Variants in SCNN1G observed in about 807,000 individuals in gnomAD.
SCNN1G encodes sodium channel epithelial 1 subunit gamma.
A neutral mutation model predicts 64.6 loss-of-function variants in SCNN1G; 27 were observed. The ratio of observed to expected loss-of-function variants is 0.42; its 90% confidence interval spans 0.31 to 0.58. The LOEUF (loss-of-function observed/expected upper bound fraction) is 0.58. Ranked by LOEUF, SCNN1G falls within the 20% of genes least tolerant of loss-of-function variation. The probability of loss-of-function intolerance (pLI) is 0.18; values close to 1 mark genes in which losing one functional copy is unlikely to be tolerated. For missense variants in SCNN1G, 743 were observed against 823.4 expected, an observed-to-expected ratio of 0.90 and a Z score of 1.19; for synonymous variants, 330 against 314.2, an observed-to-expected ratio of 1.05 and a Z score of -0.53.
In SCNN1G at chr16:23,186,379, C is replaced by G. The variant is rs759238823; in HGVS notation, c.108C>G (p.Thr36=). Residue 36 remains threonine, a synonymous_variant, in exon 2 of 13, where the codon ACC becomes ACG. Transcript: ENST00000300061. ...TGATGCGGTGGTACTGCCTCAACAC[C>G]AACACCCATGGCTGTCGCCGCATCG... is the stretch of plus-strand genomic sequence containing the variant. ...KELMRWYCLN[T]NTHGCRRIVV... 2 of 1,614,244 alleles carry G rather than the reference C, an allele frequency of 1.2e-6. No individual in the cohort carries two copies. Among genetic ancestry groups the G allele is most frequent in the Admixed American group, 1.7e-5 (1 of 60,030 alleles).
At chr16:23,192,276 C>A in intron 3 of SCNN1G, 76 bp from the exon 4 acceptor site, 2 of 1,185,818 alleles carry the variant, frequency 1.7e-6, no homozygotes, top group South Asian at 1.2e-5. Flanking sequence ...GAGTCTCAGT[C>A]ACTCATTCTT....
intron 6 of SCNN1G, among the ~76,000 whole-genome samples, chr16:23,202,862 C>A (rs1268793826): frequency 2.0e-5 from 3 of 152,096 alleles, no homozygotes; most frequent in Non-Finnish European, 2.9e-5. Flanking sequence ...GAGAAGATGA[C>A]CACTTCGATT....
chr16:23,193,967 C>T (rs1044485245), intron 4 of SCNN1G, among the ~76,000 whole-genome samples: 2 of 151,688 alleles, frequency 1.3e-5, no homozygotes, highest in Non-Finnish European at 2.9e-5. Context: ...AAACAGAAGG[C>T]AGAGAGTCTA....
intron 6 of SCNN1G, among the ~76,000 whole-genome samples, chr16:23,204,273 C>A: frequency 1.1e-5 from 1 of 92,314 alleles, no homozygotes; most frequent in African/African-American, 4.2e-5. Flanking sequence ...AGTGATACTC[C>A]ATCACAAATA....
chr16:23,212,981 T>A, intron 10 of SCNN1G, 87 bp downstream of exon 10: 1 of 1,531,678 alleles, frequency 6.5e-7, no homozygotes, highest in South Asian at 1.1e-5. Flanking sequence ...GCCTGGGACA[T>A]GGTCCAGGGG....
At chr16:23,214,026 T>C (rs1290370761) in intron 11 of SCNN1G, among the ~76,000 whole-genome samples, 2 of 152,214 alleles carry the variant, frequency 1.3e-5, no homozygotes, top group African/African-American at 4.8e-5. Flanking sequence ...ACTTGCTCTT[T>C]TGGCTGAGTC....
At position 23,197,278 on chromosome 16, in the gene SCNN1G, T is replaced by C; in HGVS notation, c.928T>C (p.Leu310=). 6 of 1,613,904 alleles carry C rather than the reference T, an allele frequency of 3.7e-6. No individual in the cohort carries two copies. The highest frequency in any genetic ancestry group is 1.1e-5 in the South Asian group (1 of 91,068). ...TATCCTCCCAGGGCTGCAAGTCATTTTGTACATAAACGAAGAGGAATACAA... is the reference window on the plus strand; with the variant it reads ...TATCCTCCCAGGGCTGCAAGTCATTCTGTACATAAACGAAGAGGAATACAA... ...GGSEYGLQVI[L]YINEEEYNPF... Residue 310 remains leucine (L), a synonymous_variant, in exon 6 of 13, where the codon TTG becomes CTG. Coordinates refer to ENST00000300061, the MANE Select transcript of SCNN1G (RefSeq NM_001039.4).
At position 23,212,553 on chromosome 16, in the gene SCNN1G, G is replaced by T; in HGVS notation, c.1295-125G>T. On this transcript the variant is annotated intron_variant, in intron 8 of 12. Transcript: ENST00000300061. ...ACAATGCAATATGTGTTTCCAGAGA[G>T]TTGGTAGAAAGTGGGAGGAGAAATC... 5.0e-6 allele frequency: 4 copies of T among 792,402 alleles called. No individual in the cohort carries two copies. In the Admixed American group the frequency reaches 5.6e-5, roughly 11 times the overall value. The allele number at this position is 792,402 out of a possible 1,614,324, so 49.1% of individuals were successfully genotyped here.
intron 5 of SCNN1G, among the ~76,000 whole-genome samples, chr16:23,197,025 T>C (rs936232530): frequency 6.6e-6 from 1 of 152,216 alleles, no homozygotes; most frequent in Non-Finnish European, 1.5e-5. Context: ...TGGCAAGAAC[T>C]GTGACAGTAA....
intron 7 of SCNN1G, 28 bp downstream of exon 7, chr16:23,209,876 C>G (rs780219100): frequency 2.0e-6 from 3 of 1,533,228 alleles, no homozygotes; most frequent in South Asian, 2.2e-5. Context: ...GCACCCAGCC[C>G]TGGGTTTATG....
intron 6 of SCNN1G, among the ~76,000 whole-genome samples, chr16:23,204,318 T>TATAC (rs1959948324): frequency 1.2e-5 from 1 of 82,678 alleles, no homozygotes; most frequent in Admixed American, 1.4e-4. Flanking sequence ...TATATATATA[T>TATAC]ATATATATAT....
chr16:23,187,111 T>TC lies in SCNN1G; in HGVS notation c.317+523_317+524insC, dbSNP rs569052382. 2.1e-3 allele frequency among the ~76,000 whole-genome samples: 318 copies of TC among 148,580 alleles called. 5 individuals carry two copies. The highest frequency in any genetic ancestry group is 0.019 in the Admixed American group (277 of 14,942). On this transcript the variant is annotated intron_variant, in intron 2 of 12. Transcript: ENST00000300061. ...GCCACAGTACCTGGCCTTTTCTTTTTTTTTTTTTTTTTTTGGAGGCAGGGT... is the reference window on the plus strand; with the variant it reads ...GCCACAGTACCTGGCCTTTTCTTTTTCTTTTTTTTTTTTTTGGAGGCAGGGT...
chr16:23,201,815 T>C (rs1032660754), intron 6 of SCNN1G, among the ~76,000 whole-genome samples: 1 of 152,100 alleles, frequency 6.6e-6, no homozygotes, highest in Non-Finnish European at 1.5e-5. Context: ...GACAAAAGTT[T>C]GTTTGCTTTT....
Position 23,215,609 on chromosome 16 carries a change from T to C in SCNN1G, c.*140T>C. 1 of 1,018,452 alleles carries C rather than the reference T, an allele frequency of 9.8e-7. No homozygotes were observed. The highest frequency in any genetic ancestry group is 1.5e-6 in the Non-Finnish European group (1 of 675,008). The allele number at this position is 1,018,452 out of a possible 1,614,324, so 63.1% of individuals were successfully genotyped here. The stretch of plus-strand genomic sequence containing the variant: ...GATACTCTGACCAAAAAGCCTGCTT[T>C]AAACCGCAAGATGGGGCCTGGGCAT... On this transcript the variant is annotated 3_prime_UTR_variant, in exon 13 of 13. Coordinates refer to ENST00000300061, the MANE Select transcript of SCNN1G (RefSeq NM_001039.4).
intron 6 of SCNN1G, among the ~76,000 whole-genome samples, chr16:23,201,460 T>C (rs1959887920): frequency 6.6e-6 from 1 of 151,856 alleles, no homozygotes; most frequent in South Asian, 2.1e-4. Flanking sequence ...ATTTAAGATG[T>C]AGAAAATCAA....
intron 2 of SCNN1G, among the ~76,000 whole-genome samples, chr16:23,186,927 T>C (rs1460198672): frequency 6.6e-6 from 1 of 151,790 alleles, no homozygotes; most frequent in Non-Finnish European, 1.5e-5. Flanking sequence ...TCCTCCCGAG[T>C]AGCTGGGACT....
intron 5 of SCNN1G, 150 bp from the exon 6 acceptor site, chr16:23,197,114 C>G (rs148337972): frequency 1.1e-5 from 8 of 708,226 alleles, no homozygotes; most frequent in Non-Finnish European, 1.8e-5. Context: ...TCCAATCTCA[C>G]GGAGCTTCCA....
intron 7 of SCNN1G, among the ~76,000 whole-genome samples, chr16:23,211,061 T>C (rs765781846): frequency 4.6e-5 from 7 of 152,012 alleles, no homozygotes; most frequent in Non-Finnish European, 1.0e-4. Context: ...AGTGAGCTCA[T>C]CAGAAAGATA....
Position 23,194,272 on chromosome 16 carries a change from A to G in SCNN1G, c.911A>G (p.Tyr304Cys), listed in dbSNP as rs1959759989. 6.3e-7 allele frequency: 1 copy of G among 1,598,922 alleles called. No individual in the cohort carries two copies. The highest frequency in any genetic ancestry group is 1.7e-5 in the Admixed American group (1 of 59,980). Reference sequence around the variant, plus strand: ...AGCACCTCCATGGGGGGCAGCGAATATGGTAAGGAAACCTGTGCCAAGGAG... The same window carrying G: ...AGCACCTCCATGGGGGGCAGCGAATGTGGTAAGGAAACCTGTGCCAAGGAG... Reference protein sequence around the residue: ...ILSTSMGGSEYGLQVILYINE... With the variant: ...ILSTSMGGSECGLQVILYINE... The change falls in exon 5 of 13, where the codon TAT (tyrosine) becomes TGT (cysteine). Residue 304 changes from tyrosine to cysteine, a missense_variant and splice_region_variant. Coordinates refer to ENST00000300061, the MANE Select transcript of SCNN1G (RefSeq NM_001039.4).
Sources: gnomAD v4.1 joint callset for allele counts (sites outside exome capture counted in the v4.1 genomes callset) on GRCh38, gnomAD v4.1.1 for gene constraint, MANE v1.5 for transcripts, NCBI Gene and HGNC (gene_info 2026-07-23, HGNC 2026-07-21) for gene names.